ABHD17B: variants seen among roughly 807,000 people sequenced by gnomAD.
ABHD17B encodes alpha/beta hydrolase domain-containing protein 17B.
In ABHD17B, 9 loss-of-function variants were observed where a neutral mutation model predicts 26.2. That is an observed-to-expected ratio of 0.34 (90% CI 0.21 to 0.60). ABHD17B has a LOEUF of 0.60. Ranked by LOEUF, ABHD17B falls within the 20% of genes least tolerant of loss-of-function variation. ABHD17B has a pLI of 0.80. For missense variants in ABHD17B, 224 were observed against 352.1 expected, an observed-to-expected ratio of 0.64 and a Z score of 2.91; for synonymous variants, 127 against 122.3, an observed-to-expected ratio of 1.04 and a Z score of -0.25.
intron 1 of ABHD17B, among the ~76,000 whole-genome samples, chr9:71,894,069 C>G (rs561631124): frequency 1.6e-5 from 2 of 124,632 alleles, no homozygotes; most frequent in South Asian, 5.0e-4. Flanking sequence ...GCCTGGGCGA[C>G]AGAGCGAGAC....
downstream of ABHD17B, among the ~76,000 whole-genome samples, chr9:71,864,758 A>T (rs1436967131): frequency 2.6e-5 from 4 of 152,154 alleles, no homozygotes; most frequent in Admixed American, 2.6e-4. Context: ...GCCCTTATCA[A>T]AATAGTAATA....
At chr9:71,906,993 T>G (rs1171008147) in intron 1 of ABHD17B, among the ~76,000 whole-genome samples, 1 of 152,188 alleles carries the variant, frequency 6.6e-6, no homozygotes, top group Non-Finnish European at 1.5e-5. Context: ...TTATTACAAT[T>G]TTTTCTTATT....
chr9:71,889,624 T>A (rs1228832082), intron 1 of ABHD17B, among the ~76,000 whole-genome samples: 1 of 152,134 alleles, frequency 6.6e-6, no homozygotes, highest in Non-Finnish European at 1.5e-5. Flanking sequence ...TGTCAACATG[T>A]AAGAAGTAGT....
intron 1 of ABHD17B, among the ~76,000 whole-genome samples, chr9:71,878,684 C>G (rs113754397): frequency 0.012 from 1,845 of 152,238 alleles, 32 homozygotes; most frequent in African/African-American, 0.042. Context: ...TGGCTCACTC[C>G]TGTAATCCCA....
intron 1 of ABHD17B, among the ~76,000 whole-genome samples, chr9:71,909,332 G>T (rs1827375075): frequency 6.6e-6 from 1 of 152,132 alleles, no homozygotes; most frequent in Non-Finnish European, 1.5e-5. Context: ...TTTTACCTCT[G>T]CTGTTCCTTA....
intron 1 of ABHD17B, among the ~76,000 whole-genome samples, chr9:71,901,680 A>C (rs576164058): frequency 6.6e-6 from 1 of 151,858 alleles, no homozygotes; most frequent in African/African-American, 2.4e-5. Context: ...AAATATCTCC[A>C]CCTGCATTTC....
chr9:71,886,981 T>C (rs1016213722), intron 1 of ABHD17B, among the ~76,000 whole-genome samples: 2 of 152,156 alleles, frequency 1.3e-5, no homozygotes, highest in African/African-American at 4.8e-5. Context: ...TTGCAATTTT[T>C]AAATACCAAT....
rs1827449282 is a variant in ABHD17B at position 71,910,895 on chromosome 9, G to A, written c.-265C>T. On this transcript the variant is annotated 5_prime_UTR_variant, in exon 1 of 4. Transcript: ENST00000333421. ...CGGCCCTGCTCCTCCACAAGAGCTC[G>A]CGTTCTGCTGACTAACGGCCCCGGT... is the stretch of plus-strand genomic sequence containing the variant. The A allele has an allele frequency of 6.6e-6, 1 of 152,084 alleles. No homozygotes were observed. The highest frequency in any genetic ancestry group is 2.0e-4 in the South Asian group (1 of 4,880). 9.4% of individuals were successfully genotyped at this position (152,084 alleles called of 1,614,324 possible).
At chr9:71,871,428 C>G (rs1315929885) in intron 2 of ABHD17B, among the ~76,000 whole-genome samples, 1 of 152,174 alleles carries the variant, frequency 6.6e-6, no homozygotes, top group African/African-American at 2.4e-5. Flanking sequence ...TTAGCAAACT[C>G]AGAAAAGCTT....
At chr9:71,906,999 T>C (rs1369923051) in intron 1 of ABHD17B, among the ~76,000 whole-genome samples, 3 of 152,230 alleles carry the variant, frequency 2.0e-5, no homozygotes, top group Admixed American at 1.3e-4. Flanking sequence ...CAATTTTTTC[T>C]TATTTTATTA....
At chr9:71,897,547 C>A (rs922839784) in intron 1 of ABHD17B, among the ~76,000 whole-genome samples, 2 of 152,090 alleles carry the variant, frequency 1.3e-5, no homozygotes, top group African/African-American at 4.8e-5. Context: ...TAAAATGAAG[C>A]CATCTTGCAA....
At chr9:71,909,000 T>C (rs1200599653) in intron 1 of ABHD17B, among the ~76,000 whole-genome samples, 2 of 152,208 alleles carry the variant, frequency 1.3e-5, no homozygotes, top group Non-Finnish European at 2.9e-5. Flanking sequence ...TTCATTAAGC[T>C]ACTAAAAACA....
chr9:71,865,068 T>C (rs1256518043), downstream of ABHD17B: 5 of 761,118 alleles, frequency 6.6e-6, no homozygotes, highest in Admixed American at 6.3e-5. Flanking sequence ...TTTCAAACTA[T>C]GTCCTATAAA....
rs1267879074 is a variant in ABHD17B at position 71,911,126 on chromosome 9, G to T, written c.-496C>A. Among the ~76,000 whole-genome samples, 1 of 152,176 alleles carries T rather than the reference G, an allele frequency of 6.6e-6. No individual in the cohort carries two copies. The highest frequency in any genetic ancestry group is 1.5e-5 in the Non-Finnish European group (1 of 68,030). On this transcript the variant is annotated 5_prime_UTR_variant, in exon 1 of 4. Coordinates refer to ENST00000333421, the MANE Select transcript of ABHD17B (RefSeq NM_001025780.3). ...AGCGCGAGGCTCGTTCCGGTAGCGG[G>T]AGGAAGACTGGAGGGGAACGGAGGG...
chr9:71,901,307 C>A (rs1827134636), intron 1 of ABHD17B, among the ~76,000 whole-genome samples: 1 of 151,960 alleles, frequency 6.6e-6, no homozygotes, highest in Admixed American at 6.6e-5. Flanking sequence ...CCCTGTCAGG[C>A]CCAAAATGAA....
chr9:71,902,116 T>G (rs1469303883), intron 1 of ABHD17B, among the ~76,000 whole-genome samples: 2 of 151,028 alleles, frequency 1.3e-5, no homozygotes, highest in Non-Finnish European at 2.9e-5. Flanking sequence ...AACTCATCAC[T>G]CCCCCTTCAA....
chr9:71,883,129 C>T (rs536947270), intron 1 of ABHD17B, among the ~76,000 whole-genome samples: 11 of 152,044 alleles, frequency 7.2e-5, no homozygotes, highest in Admixed American at 2.0e-4. Context: ...GGCGACAGGG[C>T]GAGACTCCAT....
chr9:71,891,189 A>G (rs1247100031), intron 1 of ABHD17B, among the ~76,000 whole-genome samples: 1 of 152,228 alleles, frequency 6.6e-6, no homozygotes, highest in Non-Finnish European at 1.5e-5. Context: ...AGTACCAAGT[A>G]ATAAAAGTGT....
rs572459223 is a variant in ABHD17B at position 71,902,508 on chromosome 9, A to G, written c.-4+8126T>C. ...CTGGAGAAGGAACAAAGAAGTCTGT[A>G]GCAGGTTGTTATCAATTAGTTGTAA... On this transcript the variant is annotated intron_variant, in intron 1 of 3. Transcript: ENST00000333421. 3 of 148,586 alleles carry G rather than the reference A, an allele frequency of 2.0e-5. No homozygotes were observed. In the East Asian group the frequency reaches 6.1e-4, roughly 30 times the overall value. 9.2% of individuals were successfully genotyped at this position (148,586 alleles called of 1,614,324 possible). A position where few individuals can be genotyped will look rare whatever the true frequency, so the allele number is the denominator to read the frequency against.
Sources: allele counts gnomAD v4.1 joint callset (sites outside exome capture counted in the v4.1 genomes callset), GRCh38; gene constraint gnomAD v4.1.1; transcripts MANE v1.5; gene names NCBI Gene and HGNC (gene_info 2026-07-23, HGNC 2026-07-21).